SLC9A9: variants seen among roughly 807,000 people sequenced by gnomAD.
SLC9A9 encodes solute carrier family 9 member A9.
In SLC9A9, 62 loss-of-function variants were observed where a neutral mutation model predicts 77.8. That is an observed-to-expected ratio of 0.80 (90% confidence interval 0.65 to 0.98). SLC9A9 has a LOEUF of 0.98. Among genes scored for constraint, SLC9A9 ranks in the 50% least tolerant of loss-of-function variants. The pLI is 0.00. For synonymous variants in SLC9A9, 320 were observed against 283.5 expected, an observed-to-expected ratio of 1.13 and a Z score of -1.29; for missense variants, 775 against 774.9, an observed-to-expected ratio of 1.00 and a Z score of 0.00.
At chr3:143,689,305 A>C (rs1933380207) in intron 5 of SLC9A9, among the ~76,000 whole-genome samples, 1 of 152,192 alleles carries the variant, frequency 6.6e-6, no homozygotes. Flanking sequence ...ACCATACATA[A>C]TTGCAGAAGA....
rs182176298 is a variant in SLC9A9, at chr3:143,488,211, A to C, written c.1315+5442T>G. Among the ~76,000 whole-genome samples, 309 of 152,096 alleles carry C rather than the reference A, an allele frequency of 2.0e-3. 2 individuals are homozygous for C. The highest frequency in any genetic ancestry group is 3.7e-3 in the South Asian group (18 of 4,824). On this transcript the variant is annotated intron_variant, in intron 11 of 15. Coordinates refer to ENST00000316549, the MANE Select transcript of SLC9A9 (RefSeq NM_173653.4). ...ACCAAGATTAAAGCATGAAGAAATG[A>C]AAAATCTGAATTAGACCTACAACTA... is the stretch of plus-strand genomic sequence containing the variant.
chr3:143,312,696 C>T (rs2031061839), intron 14 of SLC9A9, among the ~76,000 whole-genome samples: 1 of 152,226 alleles, frequency 6.6e-6, no homozygotes, highest in African/African-American at 2.4e-5. Context: ...AGCTGAGTCC[C>T]TCATGTCACA....
chr3:143,783,008 G>GAGT (rs2007931505), intron 4 of SLC9A9, among the ~76,000 whole-genome samples: 1 of 152,036 alleles, frequency 6.6e-6, no homozygotes, highest in Non-Finnish European at 1.5e-5. Flanking sequence ...AGATCCAACC[G>GAGT]AGTAGCATCC....
intron 6 of SLC9A9, among the ~76,000 whole-genome samples, chr3:143,630,268 A>G (rs781753709): frequency 1.3e-5 from 2 of 152,224 alleles, no homozygotes; most frequent in African/African-American, 2.4e-5. Context: ...CCATTTAAGT[A>G]GGGAAAAGAG....
chr3:143,839,598 C>T (rs556672111), intron 1 of SLC9A9, among the ~76,000 whole-genome samples: 1 of 152,182 alleles, frequency 6.6e-6, no homozygotes, highest in African/African-American at 2.4e-5. Flanking sequence ...AGACACAACA[C>T]ACATGCAAGC....
chr3:143,390,802 T>C (rs144309733), intron 12 of SLC9A9, among the ~76,000 whole-genome samples: 3 of 152,332 alleles, frequency 2.0e-5, no homozygotes, highest in East Asian at 3.9e-4. Context: ...CAGGAGATTA[T>C]ATCCTGGGCC....
At chr3:143,640,267 C>T (rs1253981230) in intron 6 of SLC9A9, among the ~76,000 whole-genome samples, 5 of 152,042 alleles carry the variant, frequency 3.3e-5, no homozygotes, top group Admixed American at 6.5e-5. Flanking sequence ...GTGATCCACC[C>T]GCCTTGGCTT....
At chr3:143,494,516 A>C (rs1157279727) in intron 10 of SLC9A9, among the ~76,000 whole-genome samples, 1 of 152,246 alleles carries the variant, frequency 6.6e-6, no homozygotes, top group Non-Finnish European at 1.5e-5. Flanking sequence ...CTAAGAAGCA[A>C]ATGCAGATGT....
intron 2 of SLC9A9, among the ~76,000 whole-genome samples, chr3:143,815,228 TA>T (rs1183500762): frequency 2.0e-5 from 3 of 152,084 alleles, no homozygotes; most frequent in African/African-American, 4.8e-5. Flanking sequence ...CTGGCCAAAT[TA>T]GGGGATGGTT....
intron 4 of SLC9A9, among the ~76,000 whole-genome samples, chr3:143,698,613 G>T (rs1016090495): frequency 2.0e-5 from 3 of 152,120 alleles, no homozygotes; most frequent in African/African-American, 7.2e-5. Flanking sequence ...AATACAAAAA[G>T]TTCCAGAAGT....
chr3:143,721,967 C>T (rs1186500238), intron 4 of SLC9A9, among the ~76,000 whole-genome samples: 1 of 151,928 alleles, frequency 6.6e-6, no homozygotes, highest in Admixed American at 6.6e-5. Flanking sequence ...GCATCTAAAA[C>T]AAAAACATTA....
At chr3:143,624,226 A>G (rs1172137517) in intron 6 of SLC9A9, among the ~76,000 whole-genome samples, 2 of 152,216 alleles carry the variant, frequency 1.3e-5, no homozygotes, top group African/African-American at 4.8e-5. Flanking sequence ...AATGATTCCA[A>G]TCAACAGGAA....
At chr3:143,383,364 G>A (rs1473855901) in intron 12 of SLC9A9, among the ~76,000 whole-genome samples, 1 of 152,290 alleles carries the variant, frequency 6.6e-6, no homozygotes, top group Middle Eastern at 3.4e-3. Context: ...CCACACAAAT[G>A]TATCGCATTC....
At chr3:143,306,507 A>G (rs1263090517) in intron 14 of SLC9A9, among the ~76,000 whole-genome samples, 2 of 152,242 alleles carry the variant, frequency 1.3e-5, no homozygotes, top group Non-Finnish European at 2.9e-5. Context: ...TTATTCTTAT[A>G]TCTTTAAAAA....
At chr3:143,666,430 A>G (rs2039070571) in intron 5 of SLC9A9, among the ~76,000 whole-genome samples, 1 of 152,228 alleles carries the variant, frequency 6.6e-6, no homozygotes, top group Admixed American at 6.5e-5. Flanking sequence ...GACACAAGAC[A>G]GGGATGCCCT....
intron 4 of SLC9A9, among the ~76,000 whole-genome samples, chr3:143,756,220 G>T (rs953254640): frequency 1.3e-5 from 2 of 152,206 alleles, no homozygotes; most frequent in African/African-American, 4.8e-5. Context: ...CACAAAACAT[G>T]AAGGCCACAA....
chr3:143,380,052 G>C (rs1364169378), intron 13 of SLC9A9, among the ~76,000 whole-genome samples: 1 of 152,020 alleles, frequency 6.6e-6, no homozygotes, highest in East Asian at 1.9e-4. Context: ...TCCTGGAGAG[G>C]CAGACGTTAT....
intron 4 of SLC9A9, among the ~76,000 whole-genome samples, chr3:143,755,201 G>T (rs1037254462): frequency 6.6e-6 from 1 of 152,106 alleles, no homozygotes; most frequent in Non-Finnish European, 1.5e-5. Context: ...CAGGAGGCCT[G>T]CCAGGATGAT....
chr3:143,791,422 C>T (rs961225884), intron 4 of SLC9A9, among the ~76,000 whole-genome samples: 1 of 152,186 alleles, frequency 6.6e-6, no homozygotes, highest in Admixed American at 6.5e-5. Context: ...TGCTTAGCTA[C>T]AGAAGGTCAC....
Sources: gnomAD v4.1 joint callset for allele counts (sites outside exome capture counted in the v4.1 genomes callset) on GRCh38, gnomAD v4.1.1 for gene constraint, MANE v1.5 for transcripts, NCBI Gene and HGNC (gene_info 2026-07-23, HGNC 2026-07-21) for gene names.